NBPF8: variants seen among roughly 807,000 people sequenced by gnomAD.
The protein encoded by NBPF8 is NBPF family member NBPF8.
At chr1:120,457,019 T>C in intron 16 of NBPF8, among the ~76,000 whole-genome samples, 1 of 151,342 alleles carries the variant, frequency 6.6e-6, no homozygotes, top group Admixed American at 6.6e-5. Context: ...CCTTCACTTA[T>C]GAAGCTTTGT....
chr1:120,424,764 AAG>A (rs1660666558), intron 1 of NBPF8, among the ~76,000 whole-genome samples: 2 of 140,346 alleles, frequency 1.4e-5, no homozygotes, highest in African/African-American at 2.7e-5. Context: ...GGGGAAAAGA[AAG>A]AGAGATCAGA....
At chr1:120,468,938 G>A (rs1157842160), downstream of NBPF8, among the ~76,000 whole-genome samples, 3 of 152,096 alleles carry the variant, frequency 2.0e-5, no homozygotes, top group African/African-American at 7.2e-5. Flanking sequence ...TAGCCCTGGT[G>A]TTTAGGGGCA....
chr1:120,423,050 A>T (rs1402991119), intron 1 of NBPF8, among the ~76,000 whole-genome samples: 1 of 120,774 alleles, frequency 8.3e-6, no homozygotes, highest in Admixed American at 7.9e-5. Context: ...TTATTTTGTA[A>T]ATATTTTCTC....
At chr1:120,430,948 C>G (rs1251296049) in intron 3 of NBPF8, among the ~76,000 whole-genome samples, 2 of 151,170 alleles carry the variant, frequency 1.3e-5, no homozygotes, top group Admixed American at 6.6e-5. Context: ...CAATGCAATT[C>G]TAATAAAAAT....
At chr1:120,450,533 C>A (rs1553248661) in intron 11 of NBPF8, among the ~76,000 whole-genome samples, 1 of 152,144 alleles carries the variant, frequency 6.6e-6, no homozygotes, top group African/African-American at 2.4e-5. Context: ...TTGTCAGTCT[C>A]CTAGAACATT....
chr1:120,456,305 A>C (rs1398958473), intron 16 of NBPF8, among the ~76,000 whole-genome samples: 2 of 150,646 alleles, frequency 1.3e-5, no homozygotes, highest in Admixed American at 6.6e-5. Flanking sequence ...GCTGAGTTCA[A>C]GTCCTGGATA....
At position 120,453,552 on chromosome 1, in the gene NBPF8, A is replaced by C. The variant is rs1484497193; in HGVS notation, n.2362+108A>C. 14 of 956,310 alleles carry C rather than the reference A, an allele frequency of 1.5e-5. 1 individual carries two copies. The Admixed American group carries it at 2.5e-4, about 17-fold the overall frequency. The allele number at this position is 956,310 out of a possible 1,614,324, so 59.2% of individuals were successfully genotyped here. On this transcript the variant is annotated intron_variant and non_coding_transcript_variant, in intron 14 of 24. Transcript: ENST00000583271. ...ATGGGTCAAAAACCCGCATTTGCTT[A>C]GCCACAGTATGTGAAATATAACCCA...
upstream of NBPF8, chr1:120,433,302 C>T (rs1660937821): frequency 1.3e-5 from 2 of 152,630 alleles, no homozygotes; most frequent in South Asian, 4.1e-4. Flanking sequence ...GATTTTAAAG[C>T]TACAGTAATT....
chr1:120,462,432 T>G (rs1194619299), intron 20 of NBPF8, among the ~76,000 whole-genome samples: 2 of 147,586 alleles, frequency 1.4e-5, no homozygotes, highest in East Asian at 4.2e-4. Context: ...GGCAACTGCA[T>G]GGAGTCTTGA....
intron 3 of NBPF8, among the ~76,000 whole-genome samples, chr1:120,430,895 T>C (rs2101563647): frequency 6.6e-6 from 1 of 151,782 alleles, no homozygotes; most frequent in East Asian, 1.9e-4. Flanking sequence ...AGAAGAGTTG[T>C]TATGTTTAAA....
chr1:120,452,855 A>T (rs1277765147), intron 13 of NBPF8, among the ~76,000 whole-genome samples: 1 of 152,168 alleles, frequency 6.6e-6, no homozygotes, highest in South Asian at 2.1e-4. Flanking sequence ...AAGGCACTTT[A>T]TGTGGGGGCG....
rs1476611340 is a variant in NBPF8, at chr1:120,456,651, G to C, written n.2620+1191G>C. Among the ~76,000 whole-genome samples the C allele has an allele frequency of 3.5e-5, 5 of 141,122 alleles. No homozygotes were observed. The South Asian group carries it at 6.6e-4, about 19-fold the overall frequency. 92.6% of individuals were successfully genotyped at this position (141,122 alleles called of 152,430 possible). A position where few individuals can be genotyped will look rare whatever the true frequency, so the allele number is the denominator to read the frequency against. On this transcript the variant is annotated intron_variant and non_coding_transcript_variant, in intron 16 of 24. Coordinates refer to ENST00000583271, the Ensembl canonical transcript of NBPF8. ...CTCCATCCCTTTATTTTGAGCCTAT[G>C]TGTGTCTCTGCATGTGAGATGGGTT...
At chr1:120,417,735 G>A (rs1553245415), upstream of NBPF8, among the ~76,000 whole-genome samples, 188 of 127,430 alleles carry the variant, frequency 1.5e-3, 1 homozygote, top group African/African-American at 5.5e-3. Context: ...GAGTAGCTGC[G>A]ACTATAGGAG....
chr1:120,456,148 A>T (rs1448348441), intron 16 of NBPF8, among the ~76,000 whole-genome samples: 2 of 151,412 alleles, frequency 1.3e-5, no homozygotes, highest in Non-Finnish European at 2.9e-5. Flanking sequence ...TGTGATTTCC[A>T]TTCTTTTACA....
chr1:120,433,468 C>A (rs1337717902), upstream of NBPF8: 7 of 152,716 alleles, frequency 4.6e-5, no homozygotes, highest in Admixed American at 3.3e-4. Context: ...GTTTTCCAGC[C>A]ACACACAGGA....
upstream of NBPF8, among the ~76,000 whole-genome samples, chr1:120,415,953 G>T (rs1423059534): frequency 2.0e-5 from 3 of 152,212 alleles, no homozygotes; most frequent in African/African-American, 4.8e-5. Context: ...GACGTTTGGC[G>T]TGGTTTTCTT....
intron 3 of NBPF8, among the ~76,000 whole-genome samples, chr1:120,428,721 C>T (rs1253317062): frequency 6.6e-6 from 1 of 150,970 alleles, no homozygotes; most frequent in Non-Finnish European, 1.5e-5. Context: ...TATTCTCTTG[C>T]ACGTTCCCTC....
exon 25 of NBPF8, chr1:120,466,074 T>A: frequency 6.2e-7 from 1 of 1,611,962 alleles, no homozygotes; most frequent in South Asian, 1.1e-5. Flanking sequence ...GTGAACTACG[T>A]GACTCATTCC....
chr1:120,436,835 T>C, intron 1 of NBPF8, 138 bp downstream of exon 4: 1 of 566,488 alleles, frequency 1.8e-6, no homozygotes, highest in Non-Finnish European at 3.0e-6. Context: ...TATTTTAACA[T>C]TTTGTTAAAG....
Sources: allele counts gnomAD v4.1 joint callset (sites outside exome capture counted in the v4.1 genomes callset), GRCh38; gene constraint gnomAD v4.1.1; transcripts MANE v1.5; gene names NCBI Gene and HGNC (gene_info 2026-07-23, HGNC 2026-07-21).